AGPAT3: variants seen among roughly 807,000 people sequenced by gnomAD.
AGPAT3 encodes 1-acyl-sn-glycerol-3-phosphate acyltransferase gamma.
A neutral mutation model predicts 47.3 loss-of-function variants in AGPAT3; 5 were observed. That is an observed-to-expected ratio of 0.11 (90% CI 0.06 to 0.22). The LOEUF (loss-of-function observed/expected upper bound fraction) is 0.22, where lower values mean the gene tolerates loss of function less well. Among genes scored for constraint, AGPAT3 ranks in the 10% least tolerant of loss-of-function variants. The probability of loss-of-function intolerance (pLI) is 1.00; values close to 1 mark genes in which losing one functional copy is unlikely to be tolerated. For missense variants in AGPAT3, 315 were observed against 493.0 expected (o/e 0.64, Z 3.42); for synonymous variants, 212 against 208.3 (o/e 1.02, Z -0.15).
At chr21:43,874,361 C>G (rs2085689121) in intron 1 of AGPAT3, among the ~76,000 whole-genome samples, 1 of 152,234 alleles carries the variant, frequency 6.6e-6, no homozygotes, top group African/African-American at 2.4e-5. Context: ...AGCTTTCCTA[C>G]TTAGTTCTGC....
chr21:43,886,457 G>A (rs1251532133), intron 1 of AGPAT3, among the ~76,000 whole-genome samples: 2 of 151,892 alleles, frequency 1.3e-5, no homozygotes, highest in East Asian at 3.9e-4. Context: ...TCACCCTGTT[G>A]GCCAGGCTGG....
At chr21:43,935,726 A>G (rs1294895783) in intron 2 of AGPAT3, among the ~76,000 whole-genome samples, 1 of 151,042 alleles carries the variant, frequency 6.6e-6, no homozygotes, top group Non-Finnish European at 1.5e-5. Flanking sequence ...TTTTTTCCTT[A>G]TCACGAGAAA....
At chr21:43,921,767 C>A (rs921250298) in intron 2 of AGPAT3, among the ~76,000 whole-genome samples, 1 of 152,116 alleles carries the variant, frequency 6.6e-6, no homozygotes, top group Non-Finnish European at 1.5e-5. Flanking sequence ...CAGTAATTAG[C>A]TCCACACTGT....
chr21:43,883,543 A>AAT (rs2085900457), intron 1 of AGPAT3, among the ~76,000 whole-genome samples: 1 of 152,108 alleles, frequency 6.6e-6, no homozygotes, highest in Non-Finnish European at 1.5e-5. Flanking sequence ...CTCAATAAGG[A>AAT]ATAGCAAGCC....
intron 2 of AGPAT3, 23 bp from the exon 3 acceptor site, chr21:43,959,611 T>G (rs774693504): frequency 1.9e-6 from 3 of 1,598,422 alleles, no homozygotes; most frequent in African/African-American, 1.3e-5. Context: ...ACCCTGACGC[T>G]GTCCCTGTCC....
intron 1 of AGPAT3, among the ~76,000 whole-genome samples, chr21:43,875,839 C>T (rs1458537083): frequency 2.0e-5 from 3 of 152,232 alleles, no homozygotes; most frequent in African/African-American, 7.2e-5. Context: ...AATTCCTGAC[C>T]TCAGGTGATC....
Position 43,872,998 on chromosome 21 carries a change from G to A in AGPAT3, c.-112+7653G>A, listed in dbSNP as rs76203353. ...CAGAGAGCTGCGGCCTCCCCCTGCC[G>A]GGACGGCGAAACTTAAAAGACTGTG... On this transcript the variant is annotated intron_variant, in intron 1 of 9. Transcript: ENST00000291572. Among the ~76,000 whole-genome samples, 1,352 of 152,334 alleles carry A rather than the reference G, an allele frequency of 8.9e-3. 25 individuals carry two copies. The highest frequency in any genetic ancestry group is 0.03 in the African/African-American group (1,267 of 41,568).
At chr21:43,872,195 T>C (rs935072535) in intron 1 of AGPAT3, among the ~76,000 whole-genome samples, 3 of 150,856 alleles carry the variant, frequency 2.0e-5, no homozygotes, top group African/African-American at 7.4e-5. Flanking sequence ...TTTTTTTTTC[T>C]TTTGAGACAA....
At chr21:43,878,123 G>A (rs1475464442) in intron 1 of AGPAT3, among the ~76,000 whole-genome samples, 1 of 151,908 alleles carries the variant, frequency 6.6e-6, no homozygotes, top group East Asian at 1.9e-4. Context: ...CACCCGTGAT[G>A]ACGCCTGCTG....
At chr21:43,964,030 C>T (rs1661463493) in intron 3 of AGPAT3, among the ~76,000 whole-genome samples, 1 of 152,020 alleles carries the variant, frequency 6.6e-6, no homozygotes. Context: ...GTATAATTTT[C>T]AAGAAAGAAT....
At chr21:43,894,096 G>T (rs1298494876) in intron 1 of AGPAT3, among the ~76,000 whole-genome samples, 1 of 152,148 alleles carries the variant, frequency 6.6e-6, no homozygotes, top group Non-Finnish European at 1.5e-5. Context: ...TGGCGTTCAT[G>T]CTCGTGAGTG....
chr21:43,907,671 C>G (rs370193597), intron 2 of AGPAT3, among the ~76,000 whole-genome samples: 1 of 152,156 alleles, frequency 6.6e-6, no homozygotes, highest in African/African-American at 2.4e-5. Context: ...GAGCCGAGAT[C>G]GCGCCACTGC....
intron 2 of AGPAT3, among the ~76,000 whole-genome samples, chr21:43,942,282 C>T (rs1010195384): frequency 6.6e-6 from 1 of 152,150 alleles, no homozygotes; most frequent in African/African-American, 2.4e-5. Context: ...GGTGCTAGGC[C>T]TGTAATAGGA....
chr21:43,940,021 C>G (rs1601365458), intron 2 of AGPAT3, among the ~76,000 whole-genome samples: 1 of 152,152 alleles, frequency 6.6e-6, no homozygotes, highest in African/African-American at 2.4e-5. Context: ...GTCTCTGTGA[C>G]TAGAAGGACA....
chr21:43,888,733 G>A (rs1422347018), intron 1 of AGPAT3, among the ~76,000 whole-genome samples: 1 of 152,252 alleles, frequency 6.6e-6, no homozygotes, highest in Admixed American at 6.5e-5. Context: ...CTTCACGCCT[G>A]TAATCCCAGC....
At chr21:43,914,901 A>T (rs766707744) in intron 2 of AGPAT3, among the ~76,000 whole-genome samples, 1 of 152,186 alleles carries the variant, frequency 6.6e-6, no homozygotes, top group Non-Finnish European at 1.5e-5. Flanking sequence ...TTCTATAAAG[A>T]TAGTTCTGTT....
At chr21:43,931,456 T>A (rs535139482) in intron 2 of AGPAT3, among the ~76,000 whole-genome samples, 2 of 152,218 alleles carry the variant, frequency 1.3e-5, no homozygotes, top group Non-Finnish European at 2.9e-5. Context: ...TTTGAATAAA[T>A]CATTAAGTTT....
intron 1 of AGPAT3, among the ~76,000 whole-genome samples, chr21:43,882,003 C>T (rs765140072): frequency 3.3e-5 from 5 of 152,260 alleles, no homozygotes; most frequent in Non-Finnish European, 7.3e-5. Context: ...TTGAATGTGG[C>T]CTCTAGCAAT....
At position 43,968,199 on chromosome 21, in the gene AGPAT3, G is replaced by T. The variant is rs1215132938; in HGVS notation, c.348+84G>T. 6 of 1,046,528 alleles carry T rather than the reference G, an allele frequency of 5.7e-6. No homozygotes were observed. The South Asian group carries it at 5.9e-5, about 10-fold the overall frequency. 64.8% of individuals were successfully genotyped at this position (1,046,528 alleles called of 1,614,324 possible). On this transcript the variant is annotated intron_variant, in intron 4 of 9. Coordinates refer to ENST00000291572, the MANE Select transcript of AGPAT3 (RefSeq NM_020132.5). ...GGTGAGCGGGGACCCAGGGAGGGCC[G>T]GGGTGAGCAGGGGGTCCCTGCAGGG...
Sources: allele counts gnomAD v4.1 joint callset (sites outside exome capture counted in the v4.1 genomes callset), GRCh38; gene constraint gnomAD v4.1.1; transcripts MANE v1.5; gene names NCBI Gene and HGNC (gene_info 2026-07-23, HGNC 2026-07-21).